The following FRMD3 variants were observed in gnomAD, a reference collection of about 807,000 sequenced individuals.
FRMD3 encodes the protein FERM domain-containing protein 3.
In FRMD3, 33 loss-of-function variants were observed where a neutral mutation model predicts 70.2. The observed-to-expected ratio is 0.47, with a 90% CI of 0.36 to 0.63. The LOEUF is 0.63. Ranked by LOEUF, FRMD3 falls within the 20% of genes least tolerant of loss-of-function variation. The pLI is 0.00. For missense variants in FRMD3, 632 were observed against 711.4 expected, an observed-to-expected ratio of 0.89 and a Z score of 1.27; for synonymous variants, 279 against 255.9, an observed-to-expected ratio of 1.09 and a Z score of -0.86.
chr9:83,245,348 A>ACT lies in FRMD3; in HGVS notation c.*2569_*2570insAG, dbSNP rs1832042442. 12 of 985,304 alleles carry ACT rather than the reference A, an allele frequency of 1.2e-5. No individual in the cohort carries two copies. Among genetic ancestry groups the ACT allele is most frequent in the Non-Finnish European group, 7.2e-6 (6 of 829,926 alleles). 61.0% of individuals were successfully genotyped at this position (985,304 alleles called of 1,614,324 possible). On this transcript the variant is annotated 3_prime_UTR_variant, in exon 14 of 14. Transcript: ENST00000304195. The stretch of plus-strand genomic sequence containing the variant: ...GGCAACTGGTGACTATCTTCTAACA[A>ACT]AACTTAAATGGATGTTTCTAAAAGG...
chr9:83,533,947 T>C (rs563889522), intron 1 of FRMD3, among the ~76,000 whole-genome samples: 1 of 152,232 alleles, frequency 6.6e-6, no homozygotes, highest in South Asian at 2.1e-4. Flanking sequence ...GTATTAAAAA[T>C]GGCAAGTTCA....
At chr9:83,263,606 A>T (rs981173056) in intron 13 of FRMD3, among the ~76,000 whole-genome samples, 2 of 152,254 alleles carry the variant, frequency 1.3e-5, no homozygotes, top group Non-Finnish European at 2.9e-5. Flanking sequence ...AAAAAATAAG[A>T]AGTGTAAATA....
intron 1 of FRMD3, among the ~76,000 whole-genome samples, chr9:83,423,906 T>C (rs4014038): frequency 0.28 from 43,251 of 152,022 alleles, 7,246 homozygotes; most frequent in African/African-American, 0.45. Context: ...CTGCTAGCCC[T>C]GTTTCAAGTT....
chr9:83,312,444 T>C (rs1256900778), intron 7 of FRMD3, among the ~76,000 whole-genome samples: 2 of 152,198 alleles, frequency 1.3e-5, no homozygotes, highest in East Asian at 1.9e-4. Flanking sequence ...CTTACTGTGC[T>C]TCCAGCCTAG....
intron 1 of FRMD3, among the ~76,000 whole-genome samples, chr9:83,440,976 A>G (rs1363714137): frequency 2.0e-5 from 3 of 152,204 alleles, no homozygotes; most frequent in Admixed American, 1.3e-4. Context: ...GTTTCGGCCA[A>G]TGAAGCTTAA....
chr9:83,337,260 C>T (rs560617131), intron 5 of FRMD3, among the ~76,000 whole-genome samples: 3 of 152,098 alleles, frequency 2.0e-5, no homozygotes, highest in East Asian at 3.9e-4. Context: ...TCTACGTTTC[C>T]CCACCTGTCA....
At chr9:83,263,087 T>C (rs887349357) in intron 13 of FRMD3, among the ~76,000 whole-genome samples, 1 of 152,192 alleles carries the variant, frequency 6.6e-6, no homozygotes, top group Non-Finnish European at 1.5e-5. Context: ...CTGTTGACAT[T>C]GTTGTAACTG....
intron 1 of FRMD3, among the ~76,000 whole-genome samples, chr9:83,491,432 C>T (rs1308574441): frequency 1.3e-5 from 2 of 152,210 alleles, no homozygotes; most frequent in African/African-American, 2.4e-5. Flanking sequence ...GGAGAGCCTC[C>T]TCCAGCACAT....
chr9:83,341,415 T>C (rs1477212596), intron 5 of FRMD3, among the ~76,000 whole-genome samples: 1 of 152,134 alleles, frequency 6.6e-6, no homozygotes, highest in Non-Finnish European at 1.5e-5. Context: ...TATAGATCCA[T>C]ATTGAGCATG....
chr9:83,298,662 A>G, intron 12 of FRMD3, 86 bp downstream of exon 12: 1 of 984,714 alleles, frequency 1.0e-6, no homozygotes, highest in Non-Finnish European at 1.6e-6. Flanking sequence ...TTAATGCTGT[A>G]TGTCACTACA....
chr9:83,414,973 T>C (rs146251751), intron 1 of FRMD3, among the ~76,000 whole-genome samples: 6 of 152,306 alleles, frequency 3.9e-5, no homozygotes, highest in Non-Finnish European at 5.9e-5. Context: ...CCAGAGGTGA[T>C]CAAGAACCAG....
chr9:83,248,450 G>C lies in FRMD3; in HGVS notation c.1262C>G (p.Ala421Gly). The C allele has an allele frequency of 6.2e-7, 1 of 1,613,862 alleles. No homozygotes were observed. The highest frequency in any genetic ancestry group is 8.5e-7 in the Non-Finnish European group (1 of 1,179,998). The change falls in exon 14 of 14, where the codon GCC becomes GGC. Residue 421 changes from alanine (A) to glycine (G), a missense_variant. By Grantham distance (60) the Ala-to-Gly change is moderately conservative. Coordinates refer to ENST00000304195, the MANE Select transcript of FRMD3 (RefSeq NM_174938.6). ...PLISSSPVKA[A>G]REYEDPPSEE... Reference sequence around the variant, plus strand: ...ACTAGGGGGATCTTCATACTCCCGGGCTGCCTTCACTGGGGAGCTGGAGAT... The same window carrying C: ...ACTAGGGGGATCTTCATACTCCCGGCCTGCCTTCACTGGGGAGCTGGAGAT...
chr9:83,283,257 G>A (rs1274459107), intron 13 of FRMD3, among the ~76,000 whole-genome samples: 4 of 152,126 alleles, frequency 2.6e-5, no homozygotes, highest in South Asian at 4.1e-4. Context: ...TTGGCCGGGC[G>A]CGGTGGTTCA....
At chr9:83,534,759 G>C (rs1284279044) in intron 1 of FRMD3, among the ~76,000 whole-genome samples, 1 of 152,182 alleles carries the variant, frequency 6.6e-6, no homozygotes, top group Non-Finnish European at 1.5e-5. Context: ...ATGTTTCTGG[G>C]GGGTGGAAAT....
chr9:83,263,825 A>G (rs1050511232), intron 13 of FRMD3, among the ~76,000 whole-genome samples: 8 of 152,232 alleles, frequency 5.3e-5, no homozygotes, highest in Admixed American at 4.6e-4. Context: ...AAATGCACAA[A>G]TTAAAACATC....
rs1217220891 is a variant in FRMD3 at position 83,247,854 on chromosome 9, C to T, written c.*64G>A. On this transcript the variant is annotated 3_prime_UTR_variant, in exon 14 of 14. Transcript: ENST00000304195. ...AGCCCCGTGACCCTTCAGAACCAGG[C>T]ATTTGCTGAAAAAAAGAAATCACTA... The T allele has an allele frequency of 2.5e-6, 4 of 1,570,622 alleles. No individual in the cohort carries two copies. The highest frequency in any genetic ancestry group is 3.5e-6 in the Non-Finnish European group (4 of 1,157,804).
At chr9:83,550,794 T>G in the FRMD3 span, among the ~76,000 whole-genome samples, 1 of 151,800 alleles carries the variant, frequency 6.6e-6, no homozygotes, top group Non-Finnish European at 1.5e-5. Flanking sequence ...TAGTGGTGTA[T>G]AGGAATGCTA....
intron 9 of FRMD3, 152 bp downstream of exon 9, chr9:83,310,333 C>A: frequency 4.2e-6 from 3 of 709,206 alleles, no homozygotes; most frequent in Non-Finnish European, 4.8e-6. Context: ...CATTTGTTTG[C>A]CTCTAAAATA....
At chr9:83,277,402 A>T (rs565800190) in intron 13 of FRMD3, among the ~76,000 whole-genome samples, 77 of 152,224 alleles carry the variant, frequency 5.1e-4, no homozygotes, top group African/African-American at 1.8e-3. Flanking sequence ...TCTCACTCTG[A>T]TGCCCAGGCT....
Sources: allele counts gnomAD v4.1 joint callset (sites outside exome capture counted in the v4.1 genomes callset), GRCh38; gene constraint gnomAD v4.1.1; transcripts MANE v1.5; gene names NCBI Gene and HGNC (gene_info 2026-07-23, HGNC 2026-07-21).